PCNX1: variants seen among roughly 807,000 people sequenced by gnomAD.
The protein encoded by PCNX1 is pecanex-like protein 1.
A neutral mutation model predicts 242.2 loss-of-function variants in PCNX1; 78 were observed. The ratio of observed to expected loss-of-function variants is 0.32; its 90% CI spans 0.27 to 0.39. PCNX1 has a LOEUF of 0.39. Among genes scored for constraint, PCNX1 ranks in the 10% least tolerant of loss-of-function variants. The pLI is 1.00. For missense variants in PCNX1, 2,581 were observed against 2,856.5 expected, an observed-to-expected ratio of 0.90 and a Z score of 2.20; for synonymous variants, 1,024 against 1,032.9, an observed-to-expected ratio of 0.99 and a Z score of 0.17.
intron 1 of PCNX1, among the ~76,000 whole-genome samples, chr14:70,915,290 A>AT (rs2056106569): frequency 6.6e-6 from 1 of 152,058 alleles, no homozygotes; most frequent in South Asian, 2.1e-4. Flanking sequence ...GAATCTCAAA[A>AT]CCCTTTTCTC....
Position 70,910,813 on chromosome 14 carries a change from C to A in PCNX1, c.153+2810C>A, listed in dbSNP as rs146036335. 2.6e-5 allele frequency among the ~76,000 whole-genome samples: 4 copies of A among 152,214 alleles called. No homozygotes were observed. In the East Asian group the frequency reaches 7.7e-4, roughly 29 times the overall value. On this transcript the variant is annotated intron_variant, in intron 1 of 35. Transcript: ENST00000304743. ...ATTAGTGTAAAGCACATGTAGTACT[C>A]CGATGAATGATTGAGAAGTGCACAA... is the stretch of plus-strand genomic sequence containing the variant.
rs960145311 is a variant in PCNX1, at chr14:71,114,097, A to C, written c.*4162A>C. ...CTAATGTGGTACATGGAACTTGCTA[A>C]TGGAGGTTGGACATTCTGTTTCAGT... On this transcript the variant is annotated 3_prime_UTR_variant, in exon 36 of 36. Transcript: ENST00000304743. 6.6e-6 allele frequency: 1 copy of C among 152,198 alleles called. No homozygotes were observed. Among genetic ancestry groups the C allele is most frequent in the Non-Finnish European group, 1.5e-5 (1 of 68,036 alleles). The allele number at this position is 152,198 out of a possible 1,614,324, so 9.4% of individuals were successfully genotyped here.
chr14:71,052,029 A>C lies in PCNX1; in HGVS notation c.4577+17A>C. 1 of 1,585,558 alleles carries C rather than the reference A, an allele frequency of 6.3e-7. No individual in the cohort carries two copies. The highest frequency in any genetic ancestry group is 8.6e-7 in the Non-Finnish European group (1 of 1,165,640). Reference sequence around the variant, plus strand: ...AGACTATAAGTGAGTAAAGTAAAACACTTGAAAAACAATTTTTATCTTTCC... The same window carrying C: ...AGACTATAAGTGAGTAAAGTAAAACCCTTGAAAAACAATTTTTATCTTTCC... On this transcript the variant is annotated intron_variant, in intron 24 of 35. Coordinates refer to ENST00000304743, the MANE Select transcript of PCNX1 (RefSeq NM_014982.3).
At chr14:70,956,992 A>G (rs1181698322) in intron 2 of PCNX1, among the ~76,000 whole-genome samples, 1 of 149,730 alleles carries the variant, frequency 6.7e-6, no homozygotes, top group African/African-American at 2.5e-5. Flanking sequence ...TGTTTTTATT[A>G]TATTATTATT....
chr14:71,108,658 C>T lies in PCNX1; in HGVS notation c.6356C>T (p.Ala2119Val). Residue 2119 changes from alanine (A) to valine (V), a missense_variant, in exon 34 of 36, where the codon GCC (alanine) becomes GTC (valine). Transcript: ENST00000304743. ...TCGGGCCTGGTCAGACAGTCTCCTG[C>T]CCGGGCCTCAGTAGCCAGCCAGTCT... ...VQSGLVRQSP[A>V]RASVASQSSY... The T allele has an allele frequency of 1.9e-6, 3 of 1,614,168 alleles. No individual in the cohort carries two copies. The highest frequency in any genetic ancestry group is 2.5e-6 in the Non-Finnish European group (3 of 1,180,010).
chr14:71,032,549 A>G (rs1192154356), intron 16 of PCNX1, among the ~76,000 whole-genome samples: 1 of 152,168 alleles, frequency 6.6e-6, no homozygotes. Flanking sequence ...TGTAGCTATT[A>G]AAAAAATAAA....
At position 71,113,820 on chromosome 14, in the gene PCNX1, T is replaced by C. The variant is rs1435438319; in HGVS notation, c.*3885T>C. ...TTTCATTTATATTTATTTTAATTAATTTGTCATGAATATGGACAAAGCCTT... is the reference window on the plus strand; with the variant it reads ...TTTCATTTATATTTATTTTAATTAACTTGTCATGAATATGGACAAAGCCTT... On this transcript the variant is annotated 3_prime_UTR_variant, in exon 36 of 36. Coordinates refer to ENST00000304743, the MANE Select transcript of PCNX1 (RefSeq NM_014982.3). The C allele has an allele frequency of 3.3e-5, 5 of 152,204 alleles. No individual in the cohort carries two copies. The highest frequency in any genetic ancestry group is 1.2e-4 in the African/African-American group (5 of 41,466). 9.4% of individuals were successfully genotyped at this position (152,204 alleles called of 1,614,324 possible). A position where few individuals can be genotyped will look rare whatever the true frequency, so the allele number is the denominator to read the frequency against.
intron 1 of PCNX1, among the ~76,000 whole-genome samples, chr14:70,931,160 T>C (rs990836549): frequency 3.3e-5 from 5 of 152,180 alleles, no homozygotes; most frequent in African/African-American, 1.2e-4. Flanking sequence ...TGGAACTGAA[T>C]TGCAAACACT....
intron 1 of PCNX1, among the ~76,000 whole-genome samples, chr14:70,922,457 A>G (rs1187447715): frequency 6.6e-6 from 1 of 152,164 alleles, no homozygotes; most frequent in Non-Finnish European, 1.5e-5. Context: ...TGAATACTAT[A>G]TATTTTAAGG....
chr14:71,095,298 T>TA (rs1294078921), intron 30 of PCNX1, among the ~76,000 whole-genome samples: 2 of 152,320 alleles, frequency 1.3e-5, no homozygotes, highest in African/African-American at 4.8e-5. Flanking sequence ...AAGGAATAAT[T>TA]TCATATTAAT....
intron 2 of PCNX1, among the ~76,000 whole-genome samples, chr14:70,959,849 G>T (rs929409411): frequency 7.0e-6 from 1 of 142,860 alleles, no homozygotes; most frequent in East Asian, 2.0e-4. Flanking sequence ...CCCACCAACA[G>T]TGTAAAAGTG....
At chr14:71,103,766 A>C (rs1457672103) in intron 32 of PCNX1, 97 bp downstream of exon 32, 2 of 1,103,522 alleles carry the variant, frequency 1.8e-6, no homozygotes, top group Non-Finnish European at 2.6e-6. Context: ...AAAAAATTAC[A>C]GGTGCCATGG....
chr14:70,940,316 G>A (rs2057184116), intron 1 of PCNX1, among the ~76,000 whole-genome samples: 1 of 152,278 alleles, frequency 6.6e-6, no homozygotes, highest in Admixed American at 6.5e-5. Context: ...CTCTTGTAAG[G>A]CAGGCCTGGT....
intron 30 of PCNX1, among the ~76,000 whole-genome samples, chr14:71,090,265 A>G (rs1229556452): frequency 6.6e-6 from 1 of 152,202 alleles, no homozygotes; most frequent in Non-Finnish European, 1.5e-5. Context: ...GCAAGAATAT[A>G]TTGTGAAATT....
chr14:71,039,764 C>G (rs1289578495), intron 19 of PCNX1, among the ~76,000 whole-genome samples: 1 of 152,106 alleles, frequency 6.6e-6, no homozygotes, highest in Non-Finnish European at 1.5e-5. Context: ...AAGTCTCATT[C>G]CAGTACAGTT....
intron 13 of PCNX1, among the ~76,000 whole-genome samples, chr14:71,024,508 AT>A (rs550562903): frequency 4.0e-4 from 60 of 150,542 alleles, no homozygotes; most frequent in African/African-American, 1.2e-3. Flanking sequence ...CTTTAAAAAA[AT>A]TTTTTTTTTT....
Position 71,011,564 on chromosome 14 carries a change from A to G in PCNX1, c.2778+15A>G, listed in dbSNP as rs374428539. 6.6e-4 allele frequency: 917 copies of G among 1,382,332 alleles called. 2 individuals carry two copies. Among genetic ancestry groups the G allele is most frequent in the Non-Finnish European group, 5.4e-4 (528 of 974,506 alleles). The allele number at this position is 1,382,332 out of a possible 1,614,324, so 85.6% of individuals were successfully genotyped here. On this transcript the variant is annotated intron_variant, in intron 10 of 35. Transcript: ENST00000304743. ...CACATGATGTGGTAGGTTTTTCTTT[A>G]TTTTTACAACATGATAAATTTTCAG...
At chr14:71,050,174 T>A (rs899166423) in intron 22 of PCNX1, among the ~76,000 whole-genome samples, 33 of 151,952 alleles carry the variant, frequency 2.2e-4, no homozygotes, top group East Asian at 1.5e-3. Flanking sequence ...TCTTTTTTTT[T>A]ATTTATTATT....
chr14:70,977,637 T>C lies in PCNX1; in HGVS notation c.1300T>C (p.Cys434Arg), dbSNP rs1204949114. ...AAAAAGTGGGAGGAAGAAAGAGTGCTGTGCAGGCCCAGAGGAGAAGAATAG... is the reference window on the plus strand; with the variant it reads ...AAAAAGTGGGAGGAAGAAAGAGTGCCGTGCAGGCCCAGAGGAGAAGAATAG... The part of the protein sequence containing the change: ...GTKSGRKKEC[C>R]AGPEEKNSCA... Residue 434 changes from cysteine (C) to arginine (R), a missense_variant, in exon 6 of 36, where the codon TGT becomes CGT. By Grantham distance (180) the Cys-to-Arg change is radical. Coordinates refer to ENST00000304743, the MANE Select transcript of PCNX1 (RefSeq NM_014982.3). 4 of 1,614,094 alleles carry C rather than the reference T, an allele frequency of 2.5e-6. No individual in the cohort carries two copies. The Admixed American group carries it at 5.0e-5, about 20-fold the overall frequency.
Sources: allele counts gnomAD v4.1 joint callset (sites outside exome capture counted in the v4.1 genomes callset), GRCh38; gene constraint gnomAD v4.1.1; transcripts MANE v1.5; gene names NCBI Gene and HGNC (gene_info 2026-07-23, HGNC 2026-07-21).